CROCC2: variants seen among roughly 807,000 people sequenced by gnomAD.
The protein encoded by CROCC2 is ciliary rootlet coiled-coil, rootletin family member 2, also known as ciliary rootlet coiled-coil protein 2.
CROCC2 carries 163 observed loss-of-function variants against 177.6 expected under a neutral mutation model. The ratio of observed to expected loss-of-function variants is 0.92; its 90% CI spans 0.81 to 1.05. The LOEUF (loss-of-function observed/expected upper bound fraction) is 1.05. Ranked by LOEUF, CROCC2 falls within the 50% of genes least tolerant of loss-of-function variation. The pLI is 0.00. For missense variants in CROCC2, 1,929 were observed against 1,797.8 expected (o/e 1.07, Z -1.32); for synonymous variants, 904 against 787.3 (o/e 1.15, Z -2.48).
At chr2:240,946,275 A>C in intron 15 of CROCC2, 22 bp downstream of exon 15, 1 of 1,511,898 alleles carries the variant, frequency 6.6e-7, no homozygotes, top group African/African-American at 1.4e-5. Context: ...CCTGCCAGTC[A>C]GGGCATGTCC....
In CROCC2 at chr2:240,925,748, C is replaced by T. The variant is rs1368671700; in HGVS notation, c.513C>T (p.Asn171=). The change falls in exon 5 of 32, where the codon AAC becomes AAT. Residue 171 remains asparagine (N), a synonymous_variant. Transcript: ENST00000690015. ...GGAGCACCGGCCTCTGTCAGGTGAA[C>T]GCGCTCCTGCGGGAGCAGCTGGAAC... The part of the protein sequence containing the change: ...EERSTGLCQV[N]ALLREQLEHM... The T allele has an allele frequency of 2.2e-5, 16 of 716,532 alleles. No individual in the cohort carries two copies. Among genetic ancestry groups the T allele is most frequent in the African/African-American group, 5.2e-5 (3 of 57,266 alleles). 44.4% of individuals were successfully genotyped at this position (716,532 alleles called of 1,614,324 possible). A position where few individuals can be genotyped will look rare whatever the true frequency, so the allele number is the denominator to read the frequency against.
At chr2:240,921,404 C>G (rs1364488000) in intron 3 of CROCC2, among the ~76,000 whole-genome samples, 1 of 152,218 alleles carries the variant, frequency 6.6e-6, no homozygotes, top group Non-Finnish European at 1.5e-5. Flanking sequence ...TGCCAGCCAG[C>G]CTACTCTTCC....
chr2:240,964,572 C>G lies in CROCC2; in HGVS notation c.3412C>G (p.Leu1138Val). 1 of 1,549,702 alleles carries G rather than the reference C, an allele frequency of 6.5e-7. No individual in the cohort carries two copies. The highest frequency in any genetic ancestry group is 1.2e-5 in the South Asian group (1 of 84,016). ...TGCACTGCGGGCCCACCTGTGGGAG[C>G]TGGAGCAGGCAGGGGGGGACGCCCG... ...ASALRAHLWE[L>V]EQAGGDARQE... Residue 1138 changes from leucine to valine, a missense_variant, in exon 22 of 32, where the codon CTG becomes GTG. Physicochemically the swap from Leu to Val is conservative, Grantham distance 32. Transcript: ENST00000690015.
chr2:240,955,907 T>C lies in CROCC2; in HGVS notation c.2878T>C (p.Ser960Pro). 1 of 1,534,946 alleles carries C rather than the reference T, an allele frequency of 6.5e-7. No individual in the cohort carries two copies. The part of the protein sequence containing the change: ...TERSLLSEEL[S>P]RARRTLERVQ... ...GCGGAGCCTTCTGAGTGAGGAGCTC[T>C]CCAGGGCCAGGAGGACGCTAGAGCG... Residue 960 changes from serine to proline, a missense_variant, in exon 19 of 32, where the codon TCC becomes CCC. Transcript: ENST00000690015.
chr2:240,933,064 C>T, intron 9 of CROCC2, 67 bp from the exon 10 acceptor site: 1 of 1,539,054 alleles, frequency 6.5e-7, no homozygotes, highest in Admixed American at 2.0e-5. Context: ...GTCGCAAGCC[C>T]TGGTGGGCCT....
Position 240,912,102 on chromosome 2 carries a change from C to T in CROCC2, c.78+5511C>T, listed in dbSNP as rs531405759. On this transcript the variant is annotated intron_variant, in intron 1 of 31. Transcript: ENST00000690015. ...TAGTAACCGCACCGTCTTACCCTCC[C>T]GCTTCTTTTCCTCTCTGACGTACGC... Among the ~76,000 whole-genome samples the T allele has an allele frequency of 3.9e-5, 6 of 152,300 alleles. No individual in the cohort carries two copies. The South Asian group carries it at 8.3e-4, about 21-fold the overall frequency.
chr2:240,978,385 A>G (rs371134587), intron 27 of CROCC2, among the ~76,000 whole-genome samples: 137 of 13,044 alleles, frequency 0.011, no homozygotes, highest in Admixed American at 0.025. Flanking sequence ...AGGAGCCCAG[A>G]CTCATCCCTG....
intron 28 of CROCC2, 84 bp from the exon 29 acceptor site, chr2:240,988,653 GGC>G: frequency 1.6e-6 from 2 of 1,265,330 alleles, no homozygotes; most frequent in South Asian, 6.0e-5. Context: ...CCTTCCCAGA[GGC>G]AACCCTGTGC....
chr2:240,975,428 G>C (rs2059753292), intron 27 of CROCC2, among the ~76,000 whole-genome samples: 1 of 152,212 alleles, frequency 6.6e-6, no homozygotes, highest in South Asian at 2.1e-4. Context: ...CCAGTGCAGG[G>C]AGACCAGGGG....
Position 240,988,780 on chromosome 2 carries a change from G to A in CROCC2, c.4593G>A (p.Arg1531=). Residue 1531 remains arginine, a synonymous_variant, in exon 29 of 32, where the codon AGG becomes AGA. Transcript: ENST00000690015. ...ETLKREEDVA[R]LGAEKEQLDQ... The stretch of plus-strand genomic sequence containing the variant: ...TGAAGAGGGAGGAGGATGTGGCGAG[G>A]CTGGGGGCTGAGAAGGAGCAGCTGG... The A allele has an allele frequency of 6.6e-7, 1 of 1,512,598 alleles. No individual in the cohort carries two copies. The highest frequency in any genetic ancestry group is 1.3e-5 in the South Asian group (1 of 79,132). The allele number at this position is 1,512,598 out of a possible 1,614,324, so 93.7% of individuals were successfully genotyped here.
At position 240,982,990 on chromosome 2, in the gene CROCC2, G is replaced by A. The variant is rs1386779847; in HGVS notation, c.4512G>A (p.Arg1504=). Reference sequence around the variant, plus strand: ...AACAGCTCACCAACTTGGAGCACAGGTGCCAGAAGGCTGAGGTATCGCTGG... The same window carrying A: ...AACAGCTCACCAACTTGGAGCACAGATGCCAGAAGGCTGAGGTATCGCTGG... ...LEEQLTNLEH[R]CQKAEVSLEP... The change falls in exon 28 of 32, where the codon AGG becomes AGA. Residue 1504 remains arginine (R), a synonymous_variant. Transcript: ENST00000690015. This position sits in a 1 kb window ranked among gnomAD's most constrained non-coding sequence, Gnocchi z 4.7. 17 of 1,550,406 alleles carry A rather than the reference G, an allele frequency of 1.1e-5. No homozygotes were observed. In the East Asian group the frequency reaches 3.9e-4, roughly 36 times the overall value.
In CROCC2 at chr2:240,991,238, C is replaced by T. The variant is rs752417691; in HGVS notation, c.4906C>T (p.Arg1636Trp). 24 of 1,547,170 alleles carry T rather than the reference C, an allele frequency of 1.6e-5. No homozygotes were observed. Among genetic ancestry groups the T allele is most frequent in the Middle Eastern group, 1.7e-4 (1 of 5,998 alleles). ...KEQLDQEVQWRQQAHLGQAFQ... is the reference protein window; with the variant it reads ...KEQLDQEVQWWQQAHLGQAFQ... ...GCAACTGGACCAGGAAGTGCAGTGG[C>T]GGCAACAGGCCCACCTCGGCCAGGC... The change falls in exon 31 of 32, where the codon CGG (arginine) becomes TGG (tryptophan). Residue 1636 changes from arginine to tryptophan, a missense_variant. Arg to Trp is a moderately radical substitution (Grantham distance 101). This residue lies in a region of CROCC2 where 388 missense variants were observed against 352.7 expected (regional missense o/e 1.10). Transcript: ENST00000690015.
In CROCC2 at chr2:240,983,419, G is replaced by C. The variant is rs556082765; in HGVS notation, c.4551+390G>C. ...TCCCTGGCCCACGCCCAGCGTCTTC[G>C]GCCCAGGTGCTCTGCAGGCCGCAGA... On this transcript the variant is annotated intron_variant, in intron 28 of 31. Transcript: ENST00000690015. The C allele has an allele frequency of 9.3e-5, 119 of 1,283,130 alleles. 5 individuals are homozygous for C. In the South Asian group the frequency reaches 1.4e-3, roughly 15 times the overall value. 79.5% of individuals were successfully genotyped at this position (1,283,130 alleles called of 1,614,324 possible). A position where few individuals can be genotyped will look rare whatever the true frequency, so the allele number is the denominator to read the frequency against.
rs2059808621 is a variant in CROCC2 at position 240,982,634 on chromosome 2, C to T, written c.4402-246C>T. On this transcript the variant is annotated intron_variant, in intron 27 of 31. Transcript: ENST00000690015. This position sits in a 1 kb window ranked among gnomAD's most constrained non-coding sequence, Gnocchi z 4.7. ...CCTGCCAAGCCCAAGTCTTTGCCCACGCTAGACCAGACCCCCAGGACTTTC... is the reference window on the plus strand; with the variant it reads ...CCTGCCAAGCCCAAGTCTTTGCCCATGCTAGACCAGACCCCCAGGACTTTC... 6.8e-6 allele frequency: 3 copies of T among 439,764 alleles called. No individual in the cohort carries two copies. Among genetic ancestry groups the T allele is most frequent in the Non-Finnish European group, 1.2e-5 (3 of 247,624 alleles). The allele number at this position is 439,764 out of a possible 1,614,324, so 27.2% of individuals were successfully genotyped here. A position where few individuals can be genotyped will look rare whatever the true frequency, so the allele number is the denominator to read the frequency against.
intron 20 of CROCC2, among the ~76,000 whole-genome samples, chr2:240,962,353 C>G (rs1023985403): frequency 1.3e-5 from 2 of 152,144 alleles, no homozygotes; most frequent in African/African-American, 4.8e-5. Flanking sequence ...TTGTTTTCAT[C>G]TCCTCTGCGC....
chr2:240,921,047 A>G (rs2059354582), intron 3 of CROCC2, among the ~76,000 whole-genome samples: 1 of 152,168 alleles, frequency 6.6e-6, no homozygotes, highest in Non-Finnish European at 1.5e-5. Context: ...CCAGCCAGTG[A>G]TCACCCAGGC....
At chr2:240,952,585 A>C (rs4610049) in intron 18 of CROCC2, among the ~76,000 whole-genome samples, 117,635 of 151,960 alleles carry the variant, frequency 0.77, 46,682 homozygotes, top group African/African-American at 0.94. Flanking sequence ...GAAGGGAAGG[A>C]CTTACAGGAG....
In CROCC2 at chr2:240,946,208, T is replaced by G; in HGVS notation, c.2318T>G (p.Leu773Trp). 1 of 1,545,852 alleles carries G rather than the reference T, an allele frequency of 6.5e-7. No individual in the cohort carries two copies. Among genetic ancestry groups the G allele is most frequent in the Non-Finnish European group, 8.7e-7 (1 of 1,143,128 alleles). ...CAGCTGCTGGCCAAGCAGGAGGCCT[T>G]GGAGAGGCAGGGCCGGCTCGCAGCT... ...RAQLLAKQEA[L>W]ERQGRLAAEE... is the part of the protein sequence containing the mutation. The change falls in exon 15 of 32, where the codon TTG becomes TGG. Residue 773 changes from leucine to tryptophan, a missense_variant. This residue lies in a region of CROCC2 where 1,397 missense variants were observed against 1,239.9 expected (regional missense o/e 1.13). Coordinates refer to ENST00000690015, the MANE Select transcript of CROCC2 (RefSeq NM_001351305.2).
chr2:240,988,825 G>A lies in CROCC2; in HGVS notation c.4638G>A (p.Leu1546=). 2.0e-6 allele frequency: 3 copies of A among 1,510,950 alleles called. No homozygotes were observed. The highest frequency in any genetic ancestry group is 2.7e-6 in the Non-Finnish European group (3 of 1,124,578). The allele number at this position is 1,510,950 out of a possible 1,614,324, so 93.6% of individuals were successfully genotyped here. A position where few individuals can be genotyped will look rare whatever the true frequency, so the allele number is the denominator to read the frequency against. ...AGCTGGACCAGTCTCTGAACAGCCT[G>A]CACCAGGAGGTGGACGGAGCCCTGA... ...KEQLDQSLNS[L]HQEVDGALRQ... The change falls in exon 29 of 32, where the codon CTG becomes CTA. Residue 1546 remains leucine, a synonymous_variant. Coordinates refer to ENST00000690015, the MANE Select transcript of CROCC2 (RefSeq NM_001351305.2).
Sources: allele counts gnomAD v4.1 joint callset (sites outside exome capture counted in the v4.1 genomes callset), GRCh38; gene constraint gnomAD v4.1.1; regional missense constraint gnomAD v4.1.1; non-coding constraint Gnocchi (gnomAD v3.1); transcripts MANE v1.5; gene names NCBI Gene and HGNC (gene_info 2026-07-23, HGNC 2026-07-21).